TPTE: variants seen among roughly 807,000 people sequenced by gnomAD.
TPTE encodes putative tyrosine-protein phosphatase TPTE.
TPTE carries 59 observed loss-of-function variants against 84.1 expected under a neutral mutation model. That is an observed-to-expected ratio of 0.70 (90% CI 0.57 to 0.87). The LOEUF (loss-of-function observed/expected upper bound fraction) is 0.87, where lower values mean the gene tolerates loss of function less well. Ranked by LOEUF, TPTE falls within the 40% of genes least tolerant of loss-of-function variation. The probability of loss-of-function intolerance (pLI) is 0.00; values close to 1 mark genes in which losing one functional copy is unlikely to be tolerated. For synonymous variants in TPTE, 130 were observed against 223.5 expected (o/e 0.58, Z 3.73); for missense variants, 382 against 659.6 (o/e 0.58, Z 4.61).
At chr21:10,595,230 A>ACT (rs1312460952) in intron 19 of TPTE, among the ~76,000 whole-genome samples, 13 of 152,286 alleles carry the variant, frequency 8.5e-5, no homozygotes, top group African/African-American at 2.4e-4. Context: ...TTTAGTAGAG[A>ACT]CAGGGTTTCA....
chr21:10,554,713 C>G (rs966685962), intron 8 of TPTE, among the ~76,000 whole-genome samples: 1 of 152,310 alleles, frequency 6.6e-6, no homozygotes, highest in African/African-American at 2.4e-5. Flanking sequence ...TCAGAAAGTC[C>G]TTCTCACCCC....
At chr21:10,541,739 G>C (rs2074373576) in intron 5 of TPTE, among the ~76,000 whole-genome samples, 1 of 152,310 alleles carries the variant, frequency 6.6e-6, no homozygotes, top group African/African-American at 2.4e-5. Context: ...CTTTGGAAAA[G>C]CAGATTTTCT....
chr21:10,570,128 G>T (rs1342693899), intron 13 of TPTE, among the ~76,000 whole-genome samples: 2 of 152,312 alleles, frequency 1.3e-5, no homozygotes, highest in East Asian at 3.8e-4. Context: ...GGGCTGCAAA[G>T]CACCTTGGGA....
chr21:10,586,578 C>A (rs548301048), intron 17 of TPTE, among the ~76,000 whole-genome samples: 6 of 152,360 alleles, frequency 3.9e-5, no homozygotes, highest in African/African-American at 1.4e-4. Flanking sequence ...ATCTATTTAA[C>A]TCTTCTGTTT....
In TPTE at chr21:10,569,461, A is replaced by G; in HGVS notation, c.591A>G (p.Leu197=). Residue 197 remains leucine (L), a synonymous_variant, in exon 12 of 24, where the codon CTA becomes CTG. Transcript: ENST00000618007. ...IPRWTHLLRL[L]RLIILLRIFH... The stretch of plus-strand genomic sequence containing the variant: ...GATGGACACATTTACTTCGACTTCT[A>G]CGACTTATTATTCTGTTAAGAATTT... 1 of 1,613,764 alleles carries G rather than the reference A, an allele frequency of 6.2e-7. No homozygotes were observed. Among genetic ancestry groups the G allele is most frequent in the Non-Finnish European group, 8.5e-7 (1 of 1,179,794 alleles).
chr21:10,523,850 C>G (rs954283189), intron 1 of TPTE, among the ~76,000 whole-genome samples: 1 of 152,300 alleles, frequency 6.6e-6, no homozygotes, highest in African/African-American at 2.4e-5. Context: ...ATTTCTAGTT[C>G]TAGATCCCTG....
At chr21:10,591,405 T>C (rs1453458630) in intron 18 of TPTE, among the ~76,000 whole-genome samples, 1 of 152,312 alleles carries the variant, frequency 6.6e-6, no homozygotes, top group Admixed American at 6.5e-5. Flanking sequence ...AAAATGGGTG[T>C]TCTAGGATGG....
chr21:10,558,481 A>G (rs1163816596), intron 8 of TPTE, among the ~76,000 whole-genome samples: 5 of 152,300 alleles, frequency 3.3e-5, no homozygotes, highest in African/African-American at 1.2e-4. Flanking sequence ...TGTGGTTTTG[A>G]TTTGCATTTC....
chr21:10,584,879 AGTGTGT>A (rs56198162), intron 17 of TPTE, among the ~76,000 whole-genome samples: 2,236 of 148,756 alleles, frequency 0.015, no homozygotes, highest in African/African-American at 0.048. Context: ...ATGCTTTACG[AGTGTGT>A]GTGTGTGTGT....
intron 11 of TPTE, among the ~76,000 whole-genome samples, chr21:10,568,172 CA>C (rs200525829): frequency 2.6e-5 from 4 of 152,208 alleles, no homozygotes; most frequent in Admixed American, 6.6e-5. Context: ...TCTGCTATAT[CA>C]AAAAAATTTA....
chr21:10,579,629 C>T (rs1214443525), intron 17 of TPTE, among the ~76,000 whole-genome samples: 70 of 152,036 alleles, frequency 4.6e-4, no homozygotes, highest in African/African-American at 1.6e-3. Flanking sequence ...ATAAGCAAGA[C>T]ATGCAGTATT....
intron 17 of TPTE, among the ~76,000 whole-genome samples, chr21:10,589,960 T>G (rs968372163): frequency 6.6e-6 from 1 of 152,310 alleles, no homozygotes; most frequent in African/African-American, 2.4e-5. Context: ...CCTTGCATCC[T>G]TAAGAGAAAT....
intron 17 of TPTE, among the ~76,000 whole-genome samples, chr21:10,589,446 G>A (rs1185465863): frequency 1.3e-5 from 2 of 151,280 alleles, no homozygotes; most frequent in African/African-American, 4.9e-5. Context: ...GAAATCCTGA[G>A]TACACATTAA....
rs766253736 is a variant in TPTE at position 10,605,437 on chromosome 21, A to T, written c.1541A>T (p.Glu514Val). ...ENNRLYLPKN[E>V]LDNLHKQKAR... The stretch of plus-strand genomic sequence containing the variant: ...CTTAGGCTTTATCTACCAAAAAATG[A>T]ATTGGATAATCTACATAAACAAAAA... The change falls in exon 24 of 24, where the codon GAA becomes GTA. Residue 514 changes from glutamate to valine, a missense_variant. This residue lies in a region of TPTE where 120 missense variants were observed against 79.1 expected (regional missense o/e 1.52). Transcript: ENST00000618007. 1.2e-6 allele frequency: 2 copies of T among 1,613,990 alleles called. No homozygotes were observed. The highest frequency in any genetic ancestry group is 1.7e-6 in the Non-Finnish European group (2 of 1,179,968).
chr21:10,528,256 C>A (rs1215420955), intron 3 of TPTE, among the ~76,000 whole-genome samples: 1 of 152,276 alleles, frequency 6.6e-6, no homozygotes, highest in Non-Finnish European at 1.5e-5. Context: ...CCTTTCAATC[C>A]TTTGCACTGA....
At position 10,576,862 on chromosome 21, in the gene TPTE, T is replaced by C. The variant is rs1409099999; in HGVS notation, c.796-598T>C. Among the ~76,000 whole-genome samples, 6 of 134,890 alleles carry C rather than the reference T, an allele frequency of 4.4e-5. No individual in the cohort carries two copies. In the East Asian group the frequency reaches 1.0e-3, roughly 23 times the overall value. 88.5% of individuals were successfully genotyped at this position (134,890 alleles called of 152,430 possible). A position where few individuals can be genotyped will look rare whatever the true frequency, so the allele number is the denominator to read the frequency against. On this transcript the variant is annotated intron_variant, in intron 14 of 23. Transcript: ENST00000618007. ...ACATATATATATATATATATATATA[T>C]ATATATATATATATAGACACACACT...
At chr21:10,578,635 T>C in intron 17 of TPTE, 30 bp downstream of exon 17, 1 of 1,611,942 alleles carries the variant, frequency 6.2e-7, no homozygotes, top group African/African-American at 1.3e-5. Flanking sequence ...TATTTCTCCA[T>C]TTCTAAAGAC....
At chr21:10,528,677 C>T (rs558994082) in intron 3 of TPTE, among the ~76,000 whole-genome samples, 86 of 152,386 alleles carry the variant, frequency 5.6e-4, no homozygotes, top group Admixed American at 3.6e-3. Flanking sequence ...TACTTCTTAT[C>T]GTAAGATTAC....
intron 7 of TPTE, among the ~76,000 whole-genome samples, chr21:10,549,638 A>C (rs2074535480): frequency 6.6e-6 from 1 of 151,988 alleles, no homozygotes; most frequent in Non-Finnish European, 1.5e-5. Flanking sequence ...GAAATAACAC[A>C]GACAGGCAAA....
Sources: allele counts gnomAD v4.1 joint callset (sites outside exome capture counted in the v4.1 genomes callset), GRCh38; gene constraint gnomAD v4.1.1; regional missense constraint gnomAD v4.1.1; transcripts MANE v1.5; gene names NCBI Gene and HGNC (gene_info 2026-07-23, HGNC 2026-07-21).